DSC1: variants seen among roughly 807,000 people sequenced by gnomAD.
The protein encoded by DSC1 is desmocollin-1.
In DSC1, 79 loss-of-function variants were observed where a neutral mutation model predicts 98.8. The observed-to-expected ratio is 0.80, with a 90% CI of 0.67 to 0.96. The LOEUF is 0.96. DSC1 is among the 50% of genes least tolerant of loss of function. DSC1 has a pLI of 0.00. For missense variants in DSC1, 1,115 were observed against 1,075.9 expected (o/e 1.04, Z -0.51); for synonymous variants, 405 against 372.1 (o/e 1.09, Z -1.02).
At chr18:31,142,816 C>T (rs911821519) in intron 8 of DSC1, among the ~76,000 whole-genome samples, 12 of 151,922 alleles carry the variant, frequency 7.9e-5, no homozygotes, top group African/African-American at 1.5e-4. Context: ...GACACTGGAG[C>T]GTAATAGACC....
intron 5 of DSC1, among the ~76,000 whole-genome samples, chr18:31,151,903 T>C (rs1212561054): frequency 6.6e-6 from 1 of 152,170 alleles, no homozygotes; most frequent in Non-Finnish European, 1.5e-5. Context: ...GGCTCACACC[T>C]GTAATCCCAG....
At chr18:31,148,364 G>GA (rs779309692) in intron 6 of DSC1, 134 bp downstream of exon 6, 69 of 1,143,608 alleles carry the variant, frequency 6.0e-5, no homozygotes, top group East Asian at 3.7e-4. Context: ...TTCCTAATGG[G>GA]AAAAAAAGTG....
chr18:31,161,541 A>T (rs940177622), intron 1 of DSC1, among the ~76,000 whole-genome samples: 1 of 152,142 alleles, frequency 6.6e-6, no homozygotes, highest in Non-Finnish European at 1.5e-5. Context: ...CTTCAGGTTA[A>T]ATCACTGACT....
In DSC1 at chr18:31,159,512, G is replaced by A. The variant is rs201620880; in HGVS notation, c.81C>T (p.Cys27=). 26 of 1,582,196 alleles carry A rather than the reference G, an allele frequency of 1.6e-5. No homozygotes were observed. The Admixed American group carries it at 2.9e-4, about 17-fold the overall frequency. Residue 27 remains cysteine (C), a synonymous_variant, in exon 2 of 16, where the codon TGC becomes TGT. Coordinates refer to ENST00000257198, the MANE Select transcript of DSC1 (RefSeq NM_024421.2). Reference sequence around the variant, plus strand: ...GAAGATAAACTTTCTGACAAGCATCGCAAAGTAATGTTAAAACCTCAAAAA... The same window carrying A: ...GAAGATAAACTTTCTGACAAGCATCACAAAGTAATGTTAAAACCTCAAAAA... ...LFSLLVLTLL[C]DACQKVYLRV...
intron 15 of DSC1, chr18:31,130,945 A>G (rs1598610857): frequency 3.9e-6 from 4 of 1,013,336 alleles, no homozygotes; most frequent in Non-Finnish European, 5.8e-6. Context: ...AAGACTACGC[A>G]TATATCACGC....
At chr18:31,162,202 A>C (rs1299253996) in intron 1 of DSC1, among the ~76,000 whole-genome samples, 1 of 152,240 alleles carries the variant, frequency 6.6e-6, no homozygotes, top group East Asian at 1.9e-4. Flanking sequence ...TGGTAGCAGA[A>C]GTAAACCTCA....
intron 11 of DSC1, among the ~76,000 whole-genome samples, chr18:31,135,579 T>C (rs919073663): frequency 3.9e-5 from 6 of 152,172 alleles, no homozygotes; most frequent in Admixed American, 3.9e-4. Flanking sequence ...GAAAAATAAG[T>C]TTTCATCTCT....
chr18:31,145,165 A>G (rs1344931164), intron 7 of DSC1, among the ~76,000 whole-genome samples: 1 of 151,784 alleles, frequency 6.6e-6, no homozygotes, highest in Non-Finnish European at 1.5e-5. Context: ...GATGGTCTCC[A>G]TCTCCTAACC....
Position 31,145,705 on chromosome 18 carries a change from T to C in DSC1, c.845A>G (p.Lys282Arg). The change falls in exon 7 of 16, where the codon AAA becomes AGA. Residue 282 changes from lysine (K) to arginine (R), a missense_variant. Lys to Arg is a conservative substitution (Grantham distance 26). Transcript: ENST00000257198. ...ATGATCTGGGATTTGTTGTAAGATT[T>C]TATATTTCAGACGAGTATGGAGAGT... ...PDTLHTRLKY[K>R]ILQQIPDHPK... The C allele has an allele frequency of 6.2e-7, 1 of 1,614,238 alleles. No homozygotes were observed. The highest frequency in any genetic ancestry group is 8.5e-7 in the Non-Finnish European group (1 of 1,180,046).
At chr18:31,161,487 G>A (rs1989208581) in intron 1 of DSC1, among the ~76,000 whole-genome samples, 1 of 152,092 alleles carries the variant, frequency 6.6e-6, no homozygotes, top group South Asian at 2.1e-4. Context: ...TCCCTCTGCA[G>A]GCAGAGCCAC....
intron 8 of DSC1, among the ~76,000 whole-genome samples, chr18:31,143,356 G>C (rs1988775389): frequency 6.9e-6 from 1 of 144,384 alleles, no homozygotes; most frequent in African/African-American, 2.6e-5. Context: ...AAGGAATCTG[G>C]TAGCAGAGCT....
intron 6 of DSC1, among the ~76,000 whole-genome samples, chr18:31,146,045 C>T (rs1988839218): frequency 6.6e-6 from 1 of 152,152 alleles, no homozygotes; most frequent in African/African-American, 2.4e-5. Context: ...AACAGTAGTT[C>T]TGAAATTCTT....
intron 5 of DSC1, among the ~76,000 whole-genome samples, chr18:31,151,064 C>G (rs889182831): frequency 1.3e-5 from 2 of 152,290 alleles, no homozygotes; most frequent in East Asian, 1.9e-4. Context: ...CTTATCCAAC[C>G]TACTAAGTCC....
chr18:31,147,308 G>T (rs942430659), intron 6 of DSC1, among the ~76,000 whole-genome samples: 1 of 151,990 alleles, frequency 6.6e-6, no homozygotes, highest in East Asian at 1.9e-4. Context: ...TTTCATAAAC[G>T]CACCTGTGAC....
In DSC1 at chr18:31,132,572, ACTT is replaced by A. The variant is rs867201211; in HGVS notation, c.2231_2233del (p.Glu744del). ...GGGATGTGAAATCTGATTTACCGTTACTTCTTCTCCAGGTCCTTCAGTATTTGA... is the reference window on the plus strand; with the variant it reads ...GGGATGTGAAATCTGATTTACCGTTACTTCTCCAGGTCCTTCAGTATTTGA... On this transcript the variant is annotated inframe_deletion, in exon 14 of 16. Coordinates refer to ENST00000257198, the MANE Select transcript of DSC1 (RefSeq NM_024421.2). The A allele has an allele frequency of 3.7e-6, 6 of 1,612,950 alleles. No homozygotes were observed. In the African/African-American group the frequency reaches 5.3e-5, roughly 14 times the overall value.
chr18:31,130,666 C>T lies in DSC1; in HGVS notation c.2533G>A (p.Asp845Asn). 1 of 1,614,158 alleles carries T rather than the reference C, an allele frequency of 6.2e-7. No individual in the cohort carries two copies. Among genetic ancestry groups the T allele is most frequent in the Non-Finnish European group, 8.5e-7 (1 of 1,180,020 alleles). ...GQDEEHKHCE[D>N]YVCSYNYEGK... ...TCATAGTTATACGAACAAACGTAGT[C>T]TTCACAATGTTTATGCTCCTCATCT... Residue 845 changes from aspartate (D) to asparagine (N), a missense_variant, in exon 16 of 16, where the codon GAC becomes AAC. Coordinates refer to ENST00000257198, the MANE Select transcript of DSC1 (RefSeq NM_024421.2).
At position 31,139,892 on chromosome 18, in the gene DSC1, T is replaced by C; in HGVS notation, c.1521-2A>G. The C allele has an allele frequency of 6.3e-7, 1 of 1,593,466 alleles. No homozygotes were observed. The highest frequency in any genetic ancestry group is 1.9e-5 in the Admixed American group (1 of 53,206). On this transcript the variant is annotated splice_acceptor_variant, in intron 10 of 15. Transcript: ENST00000257198. LOFTEE classifies it high-confidence loss of function. Reference sequence around the variant, plus strand: ...TCTTCATCCCCTAACTTCTGATACCTAATTTTTAGAAATCAAATATGAACG... The same window carrying C: ...TCTTCATCCCCTAACTTCTGATACCCAATTTTTAGAAATCAAATATGAACG...
At chr18:31,141,406 A>G (rs1598618361) in intron 9 of DSC1, among the ~76,000 whole-genome samples, 2 of 152,178 alleles carry the variant, frequency 1.3e-5, no homozygotes, top group Admixed American at 1.3e-4. Flanking sequence ...CAAGAAGTCA[A>G]TGAGAGCTAT....
chr18:31,156,180 C>T lies in DSC1; in HGVS notation c.352-18G>A, dbSNP rs1057160139. The T allele has an allele frequency of 6.3e-7, 1 of 1,595,282 alleles. No homozygotes were observed. The highest frequency in any genetic ancestry group is 8.5e-7 in the Non-Finnish European group (1 of 1,175,334). ...TTAGGAGACTACATTTGACAAGAAA[C>T]AAAGAAATGTAGCATTGCTTATCAT... On this transcript the variant is annotated intron_variant, in intron 3 of 15. Coordinates refer to ENST00000257198, the MANE Select transcript of DSC1 (RefSeq NM_024421.2).
Sources: gnomAD v4.1 joint callset for allele counts (sites outside exome capture counted in the v4.1 genomes callset) on GRCh38, gnomAD v4.1.1 for gene constraint, MANE v1.5 for transcripts, NCBI Gene and HGNC (gene_info 2026-07-23, HGNC 2026-07-21) for gene names.